The following PDS5B variants were observed in gnomAD, a reference collection of about 807,000 sequenced individuals.
The protein encoded by PDS5B is PDS5 cohesin associated factor B, also known as sister chromatid cohesion protein PDS5 homolog B.
Under a neutral mutation model 184.1 loss-of-function variants are expected in PDS5B, and 51 were observed. The ratio of observed to expected loss-of-function variants is 0.28; its 90% CI spans 0.22 to 0.35. The LOEUF (loss-of-function observed/expected upper bound fraction) is 0.35, where lower values mean the gene tolerates loss of function less well. Among genes scored for constraint, PDS5B ranks in the 10% least tolerant of loss-of-function variants. The pLI is 1.00. For synonymous variants in PDS5B, 566 were observed against 569.2 expected (o/e 0.99, Z 0.08); for missense variants, 1,180 against 1,723.3 (o/e 0.68, Z 5.58).
At chr13:32,612,438 C>G (rs1442865612) in intron 1 of PDS5B, among the ~76,000 whole-genome samples, 1 of 152,158 alleles carries the variant, frequency 6.6e-6, no homozygotes, top group East Asian at 1.9e-4. Context: ...AATTTAAAAG[C>G]TGAACAGCTC....
At chr13:32,593,450 C>G (rs1315231773) in intron 1 of PDS5B, among the ~76,000 whole-genome samples, 1 of 152,232 alleles carries the variant, frequency 6.6e-6, no homozygotes, top group African/African-American at 2.4e-5. Context: ...AAGCGACTCT[C>G]ATGTCTCAGC....
At chr13:32,586,923 C>T (rs2057688909) in intron 1 of PDS5B, among the ~76,000 whole-genome samples, 1 of 140,540 alleles carries the variant, frequency 7.1e-6, no homozygotes, top group Non-Finnish European at 1.6e-5. Context: ...GCCGGGGCGG[C>T]GGCGGCGGCG....
At chr13:32,716,374 G>C (rs1161771778) in intron 19 of PDS5B, among the ~76,000 whole-genome samples, 1 of 151,968 alleles carries the variant, frequency 6.6e-6, no homozygotes, top group Non-Finnish European at 1.5e-5. Context: ...GAGGTGAGGA[G>C]TGTCTCTGCC....
intron 24 of PDS5B, among the ~76,000 whole-genome samples, chr13:32,747,893 G>A (rs373137558): frequency 6.6e-6 from 1 of 152,186 alleles, no homozygotes; most frequent in East Asian, 1.9e-4. Flanking sequence ...TATATAAGAA[G>A]TATGTGCCAG....
intron 24 of PDS5B, among the ~76,000 whole-genome samples, chr13:32,751,035 C>T (rs1305296599): frequency 6.6e-6 from 1 of 152,194 alleles, no homozygotes. Flanking sequence ...CCCTCCTACC[C>T]TCCACCCTCA....
At chr13:32,644,005 C>G (rs180711569) in intron 1 of PDS5B, among the ~76,000 whole-genome samples, 1 of 152,112 alleles carries the variant, frequency 6.6e-6, no homozygotes, top group Non-Finnish European at 1.5e-5. Flanking sequence ...GGGACAGTTT[C>G]TTTTCCAATA....
intron 27 of PDS5B, 68 bp from the exon 28 acceptor site, chr13:32,758,463 AATT>A: frequency 1.4e-6 from 2 of 1,430,388 alleles, no homozygotes; most frequent in Non-Finnish European, 1.9e-6. Context: ...CATGTTCTGA[AATT>A]ATTCCTAGTT....
At chr13:32,604,578 T>C (rs1482306726) in intron 1 of PDS5B, among the ~76,000 whole-genome samples, 1 of 152,058 alleles carries the variant, frequency 6.6e-6, no homozygotes, top group Non-Finnish European at 1.5e-5. Context: ...CAGGATGATG[T>C]TGGCCTCATA....
At chr13:32,665,265 A>G (rs1047550313) in intron 6 of PDS5B, among the ~76,000 whole-genome samples, 4 of 152,196 alleles carry the variant, frequency 2.6e-5, no homozygotes, top group African/African-American at 9.6e-5. Flanking sequence ...TCTAAATGTG[A>G]AAAGTAAGTT....
chr13:32,666,717 T>C (rs2140734703), intron 6 of PDS5B, among the ~76,000 whole-genome samples: 1 of 152,326 alleles, frequency 6.6e-6, no homozygotes, highest in African/African-American at 2.4e-5. Flanking sequence ...ATGGTTTGAC[T>C]TACTTTATAA....
At chr13:32,712,516 C>T (rs1434566200) in intron 19 of PDS5B, among the ~76,000 whole-genome samples, 1 of 151,846 alleles carries the variant, frequency 6.6e-6, no homozygotes, top group Non-Finnish European at 1.5e-5. Context: ...AAACTGTCTT[C>T]CCTTGAATTC....
intron 1 of PDS5B, among the ~76,000 whole-genome samples, chr13:32,616,401 G>A (rs923802909): frequency 6.6e-6 from 1 of 151,756 alleles, no homozygotes; most frequent in African/African-American, 2.4e-5. Context: ...ACACGAATGG[G>A]ATCATACTAT....
chr13:32,674,456 G>A (rs1474222888), intron 8 of PDS5B, among the ~76,000 whole-genome samples: 1 of 152,018 alleles, frequency 6.6e-6, no homozygotes, highest in African/African-American at 2.4e-5. Context: ...TTTTAATGTG[G>A]TTAGTGATTT....
intron 1 of PDS5B, among the ~76,000 whole-genome samples, chr13:32,644,408 T>G (rs1950170203): frequency 6.6e-6 from 1 of 152,222 alleles, no homozygotes; most frequent in Non-Finnish European, 1.5e-5. Flanking sequence ...CTTTTCATCC[T>G]TGCTAAACTC....
chr13:32,769,478 T>G (rs1310089923), intron 31 of PDS5B, among the ~76,000 whole-genome samples: 1 of 152,230 alleles, frequency 6.6e-6, no homozygotes, highest in East Asian at 1.9e-4. Context: ...ACATATAGAT[T>G]CTCTGAATAT....
At chr13:32,634,053 G>T (rs1280124406) in intron 1 of PDS5B, among the ~76,000 whole-genome samples, 2 of 152,042 alleles carry the variant, frequency 1.3e-5, no homozygotes, top group African/African-American at 4.8e-5. Context: ...ATACTCTTAT[G>T]TTATCTTCCA....
chr13:32,664,532 T>C (rs1950733816), intron 6 of PDS5B, among the ~76,000 whole-genome samples: 1 of 152,184 alleles, frequency 6.6e-6, no homozygotes, highest in African/African-American at 2.4e-5. Context: ...ATCATAATGA[T>C]GTCAATCTTC....
At chr13:32,765,121 G>A (rs1954542036) in intron 31 of PDS5B, among the ~76,000 whole-genome samples, 1 of 152,042 alleles carries the variant, frequency 6.6e-6, no homozygotes, top group African/African-American at 2.4e-5. Context: ...AGTTTGTGTT[G>A]TTTTAAGACA....
chr13:32,640,534 A>C (rs563515912), intron 1 of PDS5B, among the ~76,000 whole-genome samples: 20 of 152,304 alleles, frequency 1.3e-4, no homozygotes, highest in African/African-American at 4.6e-4. Context: ...GGCGTGAGCC[A>C]CTGTGCATGG....
Sources: gnomAD v4.1 joint callset for allele counts (sites outside exome capture counted in the v4.1 genomes callset) on GRCh38, gnomAD v4.1.1 for gene constraint, MANE v1.5 for transcripts, NCBI Gene and HGNC (gene_info 2026-07-23, HGNC 2026-07-21) for gene names.